Variants in MATCAP2 observed in about 807,000 individuals in gnomAD.
MATCAP2 encodes microtubule associated tyrosine carboxypeptidase 2.
the MATCAP2 span, chr7:36,333,899 A>G: frequency 1.2e-5 from 19 of 1,614,050 alleles, no homozygotes; most frequent in South Asian, 1.8e-4. Flanking sequence ...CCCGTACACA[A>G]TAATCCCATC....
the MATCAP2 span, among the ~76,000 whole-genome samples, chr7:36,386,776 A>G: frequency 6.6e-6 from 1 of 152,216 alleles, no homozygotes. Context: ...CAAAATTTAA[A>G]ATGTATCCAC....
At chr7:36,350,003 TATC>T in the MATCAP2 span, among the ~76,000 whole-genome samples, 2 of 152,248 alleles carry the variant, frequency 1.3e-5, no homozygotes, top group African/African-American at 4.8e-5. Flanking sequence ...AACTTCAGTG[TATC>T]TGTGAAAGGT....
chr7:36,384,415 C>T, the MATCAP2 span, among the ~76,000 whole-genome samples: 1 of 152,152 alleles, frequency 6.6e-6, no homozygotes, highest in South Asian at 2.1e-4. Flanking sequence ...CTCTATGCAT[C>T]TCAGTTTTCC....
At chr7:36,327,013 G>T in the MATCAP2 span, 1 of 1,067,270 alleles carries the variant, frequency 9.4e-7, no homozygotes, top group South Asian at 1.7e-5. Context: ...AAAGTATACA[G>T]ATCATTTGTC....
At chr7:36,390,078 C>T in the MATCAP2 span, 103 of 1,613,070 alleles carry the variant, frequency 6.4e-5, no homozygotes, top group East Asian at 2.3e-3. Context: ...CAGCCATGAC[C>T]CACCGCTCTA....
chr7:36,378,699 C>T, the MATCAP2 span, among the ~76,000 whole-genome samples: 1 of 152,306 alleles, frequency 6.6e-6, no homozygotes, highest in East Asian at 1.9e-4. Context: ...TGCCCTGCCC[C>T]CAGAGTTGGA....
the MATCAP2 span, among the ~76,000 whole-genome samples, chr7:36,388,768 T>C: frequency 6.6e-6 from 1 of 152,216 alleles, no homozygotes; most frequent in South Asian, 2.1e-4. Flanking sequence ...CTTTAACGTT[T>C]TCGGGTGTCC....
At chr7:36,379,177 G>T in the MATCAP2 span, among the ~76,000 whole-genome samples, 1 of 152,220 alleles carries the variant, frequency 6.6e-6, no homozygotes, top group Admixed American at 6.5e-5. Context: ...CCCATCTTCT[G>T]TGTCAATCAT....
At chr7:36,356,665 A>G in the MATCAP2 span, 2 of 584,844 alleles carry the variant, frequency 3.4e-6, no homozygotes, top group Admixed American at 6.0e-5. Flanking sequence ...TCTTCCTAAT[A>G]TAATTGCTTC....
At chr7:36,324,318 A>C in the MATCAP2 span, 1 of 152,368 alleles carries the variant, frequency 6.6e-6, no homozygotes, top group East Asian at 1.9e-4. Context: ...ACTTTTACAA[A>C]GGTGACAATA....
chr7:36,328,241 G>GT, the MATCAP2 span, among the ~76,000 whole-genome samples: 6 of 23,460 alleles, frequency 2.6e-4, 1 homozygote, highest in South Asian at 5.3e-3. Context: ...TGTTTTTGTA[G>GT]GGGGGGGGGG....
At chr7:36,326,743 T>C in the MATCAP2 span, 18 of 1,604,230 alleles carry the variant, frequency 1.1e-5, 1 homozygote, top group East Asian at 4.0e-4. Context: ...TAGCTATGTT[T>C]GCCAGAACGC....
the MATCAP2 span, chr7:36,390,213 T>G: frequency 9.5e-7 from 1 of 1,051,632 alleles, no homozygotes; most frequent in Non-Finnish European, 1.4e-6. Context: ...CTGTGGTTGG[T>G]GGGTTCCTCT....
At chr7:36,332,604 G>A in the MATCAP2 span, among the ~76,000 whole-genome samples, 1 of 152,210 alleles carries the variant, frequency 6.6e-6, no homozygotes, top group East Asian at 1.9e-4. Context: ...ATTTGAGTAA[G>A]TATTTACCAA....
chr7:36,382,524 G>T, the MATCAP2 span, among the ~76,000 whole-genome samples: 1 of 151,012 alleles, frequency 6.6e-6, no homozygotes, highest in East Asian at 1.9e-4. Flanking sequence ...ATGGAGTCTC[G>T]CCTTGTTGTC....
the MATCAP2 span, among the ~76,000 whole-genome samples, chr7:36,378,001 T>C: frequency 3.3e-5 from 5 of 152,196 alleles, no homozygotes; most frequent in Non-Finnish European, 7.3e-5. Context: ...TAGCCATTCG[T>C]CTAATGTTTT....
the MATCAP2 span, among the ~76,000 whole-genome samples, chr7:36,388,635 A>G: frequency 6.6e-6 from 1 of 152,246 alleles, no homozygotes; most frequent in African/African-American, 2.4e-5. Context: ...TGATACAGAA[A>G]TTATGTAACC....
At chr7:36,346,792 G>A in the MATCAP2 span, among the ~76,000 whole-genome samples, 6 of 152,074 alleles carry the variant, frequency 3.9e-5, no homozygotes, top group Admixed American at 6.6e-5. Context: ...ACAGAGTGTC[G>A]CTCTGTTGCC....
chr7:36,377,043 A>G, the MATCAP2 span, among the ~76,000 whole-genome samples: 3 of 151,856 alleles, frequency 2.0e-5, no homozygotes, highest in Non-Finnish European at 4.4e-5. Context: ...ATGGGTCTTA[A>G]CTCTTTATCC....
Sources: gnomAD v4.1 joint callset for allele counts (sites outside exome capture counted in the v4.1 genomes callset) on GRCh38, gnomAD v4.1.1 for gene constraint, MANE v1.5 for transcripts, NCBI Gene and HGNC (gene_info 2026-07-23, HGNC 2026-07-21) for gene names.